The following ANO2 variants were observed in gnomAD, a reference collection of about 807,000 sequenced individuals.
ANO2 encodes anoctamin-2.
In ANO2, 101 loss-of-function variants were observed where a neutral mutation model predicts 124.2. That is an observed-to-expected ratio of 0.81 (90% CI 0.69 to 0.96). The LOEUF is 0.96. Among genes scored for constraint, ANO2 ranks in the 40% least tolerant of loss-of-function variants. The probability of loss-of-function intolerance (pLI) is 0.00; values close to 1 mark genes in which losing one functional copy is unlikely to be tolerated. For missense variants in ANO2, 1,293 were observed against 1,274.5 expected, an observed-to-expected ratio of 1.01 and a Z score of -0.22; for synonymous variants, 486 against 482.5, an observed-to-expected ratio of 1.01 and a Z score of -0.09.
chr12:5,624,744 G>T (rs1591762734), intron 16 of ANO2, among the ~76,000 whole-genome samples: 2 of 152,146 alleles, frequency 1.3e-5, no homozygotes, highest in South Asian at 4.2e-4. Context: ...GGGTGAGGGC[G>T]ACAACTGCAA....
intron 7 of ANO2, among the ~76,000 whole-genome samples, chr12:5,809,141 A>T (rs1160965487): frequency 6.6e-6 from 1 of 152,128 alleles, no homozygotes; most frequent in Non-Finnish European, 1.5e-5. Context: ...GGGAGTGCAG[A>T]TGGGGGAAGG....
chr12:5,663,544 G>A (rs1169298023), intron 14 of ANO2, among the ~76,000 whole-genome samples: 1 of 152,144 alleles, frequency 6.6e-6, no homozygotes, highest in African/African-American at 2.4e-5. Flanking sequence ...TCCTGCACAT[G>A]ATCACCCACT....
chr12:5,926,973 T>G (rs972971238), intron 1 of ANO2, among the ~76,000 whole-genome samples: 1 of 152,226 alleles, frequency 6.6e-6, no homozygotes, highest in Admixed American at 6.5e-5. Context: ...TTAACATTCC[T>G]TGGAAGTACA....
intron 10 of ANO2, among the ~76,000 whole-genome samples, chr12:5,762,836 AT>A (rs574960446): frequency 2.4e-4 from 37 of 151,324 alleles, no homozygotes; most frequent in Non-Finnish European, 4.9e-4. Flanking sequence ...GATAGCGAAA[AT>A]TTTTTCTTCG....
chr12:5,885,733 A>T (rs1938847576), intron 3 of ANO2, among the ~76,000 whole-genome samples: 1 of 152,132 alleles, frequency 6.6e-6, no homozygotes, highest in Non-Finnish European at 1.5e-5. Flanking sequence ...ATCCTTAATG[A>T]GCCATGATGG....
intron 10 of ANO2, 78 bp downstream of exon 10, chr12:5,799,429 A>C: frequency 8.2e-7 from 1 of 1,225,770 alleles, no homozygotes; most frequent in South Asian, 1.3e-5. Context: ...AAGGACTGTC[A>C]GAGTCAAAAG....
At chr12:5,756,642 G>C (rs968555662) in intron 10 of ANO2, among the ~76,000 whole-genome samples, 1 of 152,244 alleles carries the variant, frequency 6.6e-6, no homozygotes, top group African/African-American at 2.4e-5. Flanking sequence ...GGGTGGGCCT[G>C]TTGCCAGAGT....
At chr12:5,745,962 TA>T in intron 11 of ANO2, among the ~76,000 whole-genome samples, 1 of 152,252 alleles carries the variant, frequency 6.6e-6, no homozygotes, top group East Asian at 1.9e-4. Flanking sequence ...AGTACCCCCT[TA>T]AAAAACAGAT....
intron 4 of ANO2, among the ~76,000 whole-genome samples, chr12:5,847,443 CTCTG>C (rs1485751599): frequency 2.4e-5 from 2 of 82,398 alleles, no homozygotes; most frequent in Admixed American, 1.5e-4. Flanking sequence ...CTCATAACAC[CTCTG>C]TGTGTGTGTG....
chr12:5,664,531 T>C (rs1031816850), intron 14 of ANO2, among the ~76,000 whole-genome samples: 1 of 152,264 alleles, frequency 6.6e-6, no homozygotes, highest in Non-Finnish European at 1.5e-5. Context: ...ATTAGTCTCA[T>C]CTTATACATA....
chr12:5,840,784 C>T (rs1447624556), intron 4 of ANO2, among the ~76,000 whole-genome samples: 2 of 152,150 alleles, frequency 1.3e-5, no homozygotes, highest in Admixed American at 1.3e-4. Flanking sequence ...TAACACCCAT[C>T]GTCCGCCTCT....
chr12:5,793,808 T>C (rs1042634277), intron 10 of ANO2, among the ~76,000 whole-genome samples: 14 of 152,168 alleles, frequency 9.2e-5, no homozygotes, highest in Admixed American at 2.6e-4. Context: ...CTGGAGCTGG[T>C]AGCATTTTGA....
intron 17 of ANO2, among the ~76,000 whole-genome samples, chr12:5,614,142 A>G (rs1944678105): frequency 2.0e-5 from 3 of 152,204 alleles, no homozygotes; most frequent in Admixed American, 6.5e-5. Context: ...TAAGTAGCCA[A>G]CTGGCTTGAT....
At chr12:5,679,164 A>C (rs1188331441) in intron 14 of ANO2, among the ~76,000 whole-genome samples, 1 of 108,936 alleles carries the variant, frequency 9.2e-6, no homozygotes, top group Admixed American at 9.9e-5. Context: ...TTAAATGTAA[A>C]ATCCCAAACT....
At chr12:5,651,829 T>C (rs946450454) in intron 14 of ANO2, among the ~76,000 whole-genome samples, 4 of 152,220 alleles carry the variant, frequency 2.6e-5, no homozygotes, top group Non-Finnish European at 4.4e-5. Context: ...GTCATATAAG[T>C]GGATTCATAG....
chr12:5,599,576 GT>G lies in ANO2; in HGVS notation c.2140del (p.Thr714LeufsTer14). On this transcript the variant is annotated frameshift_variant, in exon 20 of 25. Coordinates refer to ENST00000682330, the MANE Select transcript of ANO2 (RefSeq NM_001364791.2). LOFTEE classifies it high-confidence loss of function. ...TGGATGTTTCGAATGGGCAGAGTCA[GT>G]TTCTCCAGCTTCGGTCTCATCTTTC... ...KLKDETEAGE[T>X]DSAHSKHPEQ... 6.2e-7 allele frequency: 1 copy of G among 1,613,938 alleles called. No homozygotes were observed. The highest frequency in any genetic ancestry group is 1.1e-5 in the South Asian group (1 of 91,052).
intron 4 of ANO2, among the ~76,000 whole-genome samples, chr12:5,850,692 CT>C (rs1954861894): frequency 6.6e-6 from 1 of 152,150 alleles, no homozygotes; most frequent in African/African-American, 2.4e-5. Flanking sequence ...TGCACTCCCC[CT>C]ATGCTGCCCT....
chr12:5,834,321 G>A (rs1328062657), intron 4 of ANO2, among the ~76,000 whole-genome samples: 1 of 152,196 alleles, frequency 6.6e-6, no homozygotes, highest in Non-Finnish European at 1.5e-5. Context: ...TACCATGATA[G>A]CTTCACGTTA....
At chr12:5,839,816 G>A (rs1954455419) in intron 4 of ANO2, among the ~76,000 whole-genome samples, 2 of 152,210 alleles carry the variant, frequency 1.3e-5, no homozygotes, top group South Asian at 4.1e-4. Context: ...CTGAGACTCA[G>A]AGGGGCTGGG....
Sources: allele counts gnomAD v4.1 joint callset (sites outside exome capture counted in the v4.1 genomes callset), GRCh38; gene constraint gnomAD v4.1.1; transcripts MANE v1.5; gene names NCBI Gene and HGNC (gene_info 2026-07-23, HGNC 2026-07-21).